Variants in CSMD1 observed in about 807,000 individuals in gnomAD.
The protein encoded by CSMD1 is CUB and Sushi multiple domains 1.
Under a neutral mutation model 417.5 loss-of-function variants are expected in CSMD1, and 213 were observed. The ratio of observed to expected loss-of-function variants is 0.51; its 90% CI spans 0.46 to 0.57. CSMD1 has a LOEUF of 0.57. CSMD1 is among the 20% of genes least tolerant of loss of function. CSMD1 has a pLI of 0.00. For synonymous variants in CSMD1, 2,862 were observed against 1,736.8 expected, an observed-to-expected ratio of 1.65 and a Z score of -16.11; for missense variants, 6,923 against 4,529.7, an observed-to-expected ratio of 1.53 and a Z score of -15.17.
chr8:4,352,653 T>G (rs1224554137), intron 3 of CSMD1, among the ~76,000 whole-genome samples: 1 of 152,180 alleles, frequency 6.6e-6, no homozygotes, highest in African/African-American at 2.4e-5. Flanking sequence ...GCATACTATT[T>G]CCCCTATGAA....
intron 3 of CSMD1, among the ~76,000 whole-genome samples, chr8:4,203,282 A>G (rs534456862): frequency 3.7e-4 from 57 of 152,272 alleles, no homozygotes; most frequent in Admixed American, 1.7e-3. Context: ...ACTCCTTCAG[A>G]AAAGAACACA....
At chr8:3,315,243 CTA>C (rs1422636200) in intron 23 of CSMD1, among the ~76,000 whole-genome samples, 3 of 152,086 alleles carry the variant, frequency 2.0e-5, no homozygotes, top group African/African-American at 7.2e-5. Context: ...TTTATTAACT[CTA>C]TTTGGATTCA....
intron 3 of CSMD1, among the ~76,000 whole-genome samples, chr8:4,290,540 A>C (rs2082948897): frequency 6.6e-6 from 1 of 152,194 alleles, no homozygotes; most frequent in Non-Finnish European, 1.5e-5. Flanking sequence ...ATGGGGGAAA[A>C]CAAAGATGAA....
chr8:3,452,049 T>C (rs990751323), intron 12 of CSMD1, among the ~76,000 whole-genome samples: 3 of 152,176 alleles, frequency 2.0e-5, no homozygotes, highest in African/African-American at 7.2e-5. Flanking sequence ...GTAAGTTGGA[T>C]TCCTAGGTAT....
chr8:4,308,888 G>C (rs1275792156), intron 3 of CSMD1, among the ~76,000 whole-genome samples: 2 of 151,956 alleles, frequency 1.3e-5, no homozygotes, highest in South Asian at 2.1e-4. Flanking sequence ...ATAAACACAT[G>C]GTTTAAAATA....
intron 50 of CSMD1, among the ~76,000 whole-genome samples, chr8:3,036,425 C>T (rs1810678084): frequency 6.6e-6 from 1 of 152,178 alleles, no homozygotes; most frequent in Non-Finnish European, 1.5e-5. Flanking sequence ...CTATCGTACT[C>T]AATGTGGGTA....
intron 2 of CSMD1, among the ~76,000 whole-genome samples, chr8:4,563,158 T>C (rs1487659902): frequency 6.6e-6 from 1 of 152,070 alleles, no homozygotes; most frequent in African/African-American, 2.4e-5. Flanking sequence ...TCTCAGCACT[T>C]TCGGAGGCCG....
At chr8:4,201,305 G>A (rs963842608) in intron 3 of CSMD1, among the ~76,000 whole-genome samples, 8 of 152,080 alleles carry the variant, frequency 5.3e-5, no homozygotes, top group Non-Finnish European at 8.8e-5. Context: ...TTGGGAGGCC[G>A]AGGCGGGCGG....
At chr8:4,098,953 G>T (rs1273813860) in intron 3 of CSMD1, among the ~76,000 whole-genome samples, 1 of 152,080 alleles carries the variant, frequency 6.6e-6, no homozygotes, top group South Asian at 2.1e-4. Flanking sequence ...TGTTAAAACT[G>T]TTTTACAATT....
chr8:4,619,459 G>C (rs1301034606), intron 2 of CSMD1, among the ~76,000 whole-genome samples: 1 of 152,160 alleles, frequency 6.6e-6, no homozygotes, highest in Non-Finnish European at 1.5e-5. Flanking sequence ...AGCTAGTGTA[G>C]TAGAAGTAGC....
intron 1 of CSMD1, among the ~76,000 whole-genome samples, chr8:4,859,995 G>A (rs1802030123): frequency 6.6e-6 from 1 of 152,004 alleles, no homozygotes. Context: ...CGATAGCAAA[G>A]ACTTGGAACC....
chr8:4,809,688 T>TTC (rs1369347069), intron 1 of CSMD1, among the ~76,000 whole-genome samples: 1 of 152,230 alleles, frequency 6.6e-6, no homozygotes, highest in African/African-American at 2.4e-5. Context: ...TAAAACTGAG[T>TTC]TTGATATCTA....
intron 3 of CSMD1, among the ~76,000 whole-genome samples, chr8:4,287,554 G>C (rs1246832798): frequency 6.6e-6 from 1 of 152,082 alleles, no homozygotes; most frequent in Non-Finnish European, 1.5e-5. Context: ...AGATAACAAA[G>C]ACGGGGGACT....
At chr8:3,943,199 C>A (rs552889678) in intron 5 of CSMD1, among the ~76,000 whole-genome samples, 11 of 151,748 alleles carry the variant, frequency 7.2e-5, no homozygotes, top group African/African-American at 2.7e-4. Context: ...TCCTGGTGTT[C>A]GATTTTTATC....
chr8:4,189,372 G>C (rs1353087029), intron 3 of CSMD1, among the ~76,000 whole-genome samples: 2 of 152,076 alleles, frequency 1.3e-5, no homozygotes, highest in African/African-American at 4.8e-5. Context: ...ATATTAATAA[G>C]CCATGAATAT....
At chr8:3,491,998 T>C (rs989986727) in intron 11 of CSMD1, among the ~76,000 whole-genome samples, 1 of 152,178 alleles carries the variant, frequency 6.6e-6, no homozygotes, top group East Asian at 1.9e-4. Flanking sequence ...ACAAGCTCTT[T>C]GTTCTCAGGG....
rs148991680 is a variant in CSMD1, at chr8:3,750,215, T to C, written c.931+3715A>G. 3.7e-3 allele frequency among the ~76,000 whole-genome samples: 558 copies of C among 152,218 alleles called. 2 individuals carry two copies. The highest frequency in any genetic ancestry group is 0.013 in the African/African-American group (520 of 41,550). On this transcript the variant is annotated intron_variant, in intron 6 of 69. Coordinates refer to ENST00000635120, the MANE Select transcript of CSMD1 (RefSeq NM_033225.6). ...GACGGAATTTTTGTTCTCTTACAAATGACCATAAATGATAAACGTGACTAC... is the reference window on the plus strand; with the variant it reads ...GACGGAATTTTTGTTCTCTTACAAACGACCATAAATGATAAACGTGACTAC...
intron 1 of CSMD1, among the ~76,000 whole-genome samples, chr8:4,937,815 G>C (rs930860967): frequency 1.3e-5 from 2 of 151,888 alleles, no homozygotes; most frequent in Admixed American, 6.6e-5. Flanking sequence ...CAACTACAAA[G>C]TGTCAGAATT....
At position 3,385,038 on chromosome 8, in the gene CSMD1, T is replaced by TAA. The variant is rs1288512258; in HGVS notation, c.2782+2454_2782+2455dup. Among the ~76,000 whole-genome samples the TAA allele has an allele frequency of 6.9e-4, 82 of 118,528 alleles. No individual in the cohort carries two copies. The East Asian group carries it at 0.018, about 26-fold the overall frequency. The allele number at this position is 118,528 out of a possible 152,430, so 77.8% of individuals were successfully genotyped here. ...ATATAATATATAAATATAATATATA[T>TAA]AATATATAAATATATAATATATAAT... On this transcript the variant is annotated intron_variant, in intron 18 of 69. Coordinates refer to ENST00000635120, the MANE Select transcript of CSMD1 (RefSeq NM_033225.6).
Sources: allele counts gnomAD v4.1 joint callset (sites outside exome capture counted in the v4.1 genomes callset), GRCh38; gene constraint gnomAD v4.1.1; transcripts MANE v1.5; gene names NCBI Gene and HGNC (gene_info 2026-07-23, HGNC 2026-07-21).